Variants in HUWE1 observed in about 807,000 individuals in gnomAD.
HUWE1 encodes HECT, UBA and WWE domain containing E3 ubiquitin protein ligase 1.
A neutral mutation model predicts 299.4 loss-of-function variants in HUWE1; 18 were observed. That is an observed-to-expected ratio of 0.06 (90% CI 0.04 to 0.09). The LOEUF (loss-of-function observed/expected upper bound fraction) is 0.09, where lower values mean the gene tolerates loss of function less well. Ranked by LOEUF, HUWE1 falls within the 10% of genes least tolerant of loss-of-function variation. HUWE1 has a pLI of 1.00. For missense variants in HUWE1, 1,832 were observed against 3,462.3 expected (o/e 0.53, Z 11.82); for synonymous variants, 1,317 against 1,286.1 (o/e 1.02, Z -0.51).
At chrX:53,539,545 T>C in intron 75 of HUWE1, 112 bp downstream of exon 75, 1 of 724,603 alleles carries the variant, frequency 1.4e-6, no homozygotes, top group East Asian at 3.2e-5. Context: ...GAATTCTCAT[T>C]ACAGAGACAC....
intron 47 of HUWE1, among the ~76,000 whole-genome samples, chrX:53,570,482 A>G (rs1750767391): frequency 8.9e-6 from 1 of 112,467 alleles, no homozygotes; most frequent in African/African-American, 3.2e-5. Flanking sequence ...GTTCAATTAA[A>G]TTGAAATTAT....
rs1221375771 is a variant in HUWE1 at position 53,575,513 on chromosome X, G to T, written c.6030+130C>A. ...GGGACACCCCAATTTTGTCTTTACA[G>T]GCAACAGATAATTTACAGATACATC... On this transcript the variant is annotated intron_variant, in intron 45 of 83. Transcript: ENST00000262854. The T allele has an allele frequency of 3.9e-6, 3 of 764,632 alleles. No homozygotes were observed. The Admixed American group carries it at 8.5e-5, about 22-fold the overall frequency. The allele number at this position is 764,632 out of a possible 1,213,427, so 63.0% of individuals were successfully genotyped here.
At chrX:53,552,023 TATC>T (rs1456144549) in intron 63 of HUWE1, among the ~76,000 whole-genome samples, 2 of 111,640 alleles carry the variant, frequency 1.8e-5, no homozygotes, top group African/African-American at 6.5e-5. Flanking sequence ...ACCACGCAGA[TATC>T]ATCACCCCCT....
chrX:53,671,773 G>A (rs375462231), intron 3 of HUWE1, among the ~76,000 whole-genome samples: 15 of 81,768 alleles, frequency 1.8e-4, no homozygotes, highest in Non-Finnish European at 2.9e-4. Flanking sequence ...CGACCTGGGC[G>A]ACAGCGAGAC....
At chrX:53,564,796 A>C (rs1157870650) in intron 50 of HUWE1, 74 bp from the exon 51 acceptor site, 2 of 1,158,161 alleles carry the variant, frequency 1.7e-6, no homozygotes, top group Non-Finnish European at 2.4e-6. Context: ...AAGCGCAAAG[A>C]CAATAAGGTC....
intron 48 of HUWE1, 111 bp downstream of exon 48, chrX:53,569,505 T>C: frequency 1.5e-6 from 1 of 689,392 alleles, no homozygotes; most frequent in East Asian, 3.2e-5. Flanking sequence ...AGAGAGTATA[T>C]GATGCCAGTA....
At chrX:53,555,618 C>A (rs1325113487) in intron 60 of HUWE1, among the ~76,000 whole-genome samples, 1 of 104,394 alleles carries the variant, frequency 9.6e-6, no homozygotes, top group Non-Finnish European at 1.9e-5. Context: ...TGAGCCACTG[C>A]GTCCAGCCCT....
chrX:53,584,081 C>T, intron 41 of HUWE1, 105 bp downstream of exon 41: 1 of 884,120 alleles, frequency 1.1e-6, no homozygotes. Context: ...GCCTACGTAT[C>T]TTTAATCTGT....
intron 3 of HUWE1, 96 bp from the exon 4 acceptor site, chrX:53,654,227 C>A: frequency 1.8e-6 from 1 of 562,422 alleles, no homozygotes; most frequent in South Asian, 2.6e-5. Context: ...AAGAGCAATG[C>A]AAAATGCTTA....
chrX:53,561,656 T>C (rs975704566), intron 55 of HUWE1, 100 bp downstream of exon 55: 16 of 1,139,964 alleles, frequency 1.4e-5, no homozygotes, highest in Non-Finnish European at 1.8e-5. Context: ...GGAAAAGAAG[T>C]GCTGTCTGTA....
rs782741742 is a variant in HUWE1, at chrX:53,535,170, A to G, written c.12649+214T>C. The stretch of plus-strand genomic sequence containing the variant: ...GGCTGGTCTCAAACTCCTCACCTCA[A>G]CTGATCCGCCCACCTTGGCCTCCCA... On this transcript the variant is annotated intron_variant, in intron 81 of 83. Coordinates refer to ENST00000262854, the MANE Select transcript of HUWE1 (RefSeq NM_031407.7). Among the ~76,000 whole-genome samples the G allele has an allele frequency of 6.3e-5, 7 of 111,392 alleles. No individual in the cohort carries two copies. The South Asian group carries it at 1.1e-3, about 18-fold the overall frequency.
intron 33 of HUWE1, among the ~76,000 whole-genome samples, chrX:53,591,841 T>C (rs1273715117): frequency 9.0e-6 from 1 of 111,695 alleles, no homozygotes; most frequent in Non-Finnish European, 1.9e-5. Context: ...CAAGTGTATA[T>C]AGTAGACAGA....
intron 3 of HUWE1, among the ~76,000 whole-genome samples, chrX:53,654,902 A>G (rs1481614134): frequency 1.8e-5 from 2 of 112,235 alleles, no homozygotes; most frequent in Non-Finnish European, 3.8e-5. Context: ...TAGTTGTATC[A>G]TAAGAGCAAA....
chrX:53,569,679 T>C lies in HUWE1; in HGVS notation c.6461A>G (p.Asn2154Ser). ...CCGTCCAAGGGCTGCTTTTACTTCATTCACTAGGGCCACCTGGGCATCTGT... is the reference window on the plus strand; with the variant it reads ...CCGTCCAAGGGCTGCTTTTACTTCACTCACTAGGGCCACCTGGGCATCTGT... ...SGTDAQVALV[N>S]EVKAALGRAL... The change falls in exon 48 of 84, where the codon AAT becomes AGT. Residue 2154 changes from asparagine to serine, a missense_variant. Asn to Ser is a conservative substitution (Grantham distance 46). Around this residue, in one of 15 missense-constraint regions of HUWE1, gnomAD observed 157 missense variants for 252.3 expected, o/e 0.62. Coordinates refer to ENST00000262854, the MANE Select transcript of HUWE1 (RefSeq NM_031407.7). 2 of 1,212,124 alleles carry C rather than the reference T, an allele frequency of 1.7e-6. No homozygotes were observed. Among genetic ancestry groups the C allele is most frequent in the Non-Finnish European group, 2.2e-6 (2 of 895,538 alleles).
chrX:53,547,814 AGGCGGCAGTGGTGGT>A lies in HUWE1; in HGVS notation c.10480_10494del (p.Thr3494_Ala3498del), dbSNP rs1362901813. 2 of 1,196,088 alleles carry A rather than the reference AGGCGGCAGTGGTGGT, an allele frequency of 1.7e-6. No homozygotes were observed. Among genetic ancestry groups the A allele is most frequent in the African/African-American group, 1.8e-5 (1 of 56,624 alleles). ...GCAGTAGGGGGTGTGGGCGTGGTGG[AGGCGGCAGTGGTGGT>A]GGTGGTAGATGTGGTTGAGGTGGCA... On this transcript the variant is annotated inframe_deletion, in exon 68 of 84. Coordinates refer to ENST00000262854, the MANE Select transcript of HUWE1 (RefSeq NM_031407.7).
At chrX:53,596,351 AAGTT>A (rs1195847611) in intron 29 of HUWE1, among the ~76,000 whole-genome samples, 5 of 111,932 alleles carry the variant, frequency 4.5e-5, no homozygotes, top group African/African-American at 9.7e-5. Flanking sequence ...AATTAACAAA[AAGTT>A]AGGTATGTCA....
At chrX:53,586,977 A>G (rs1403932759) in intron 37 of HUWE1, 68 bp from the exon 38 acceptor site, 17 of 1,103,524 alleles carry the variant, frequency 1.5e-5, no homozygotes, top group Non-Finnish European at 2.0e-5. Context: ...AAAGATTAGC[A>G]TGGGATAGGG....
At chrX:53,563,851 G>A in intron 51 of HUWE1, 30 bp from the exon 52 acceptor site, 1 of 1,191,918 alleles carries the variant, frequency 8.4e-7, no homozygotes, top group Non-Finnish European at 1.1e-6. Flanking sequence ...ATATATGGAT[G>A]CACACAAGTC....
chrX:53,577,470 A>C (rs1391269298), intron 43 of HUWE1, among the ~76,000 whole-genome samples: 28 of 98,096 alleles, frequency 2.9e-4, no homozygotes, highest in African/African-American at 5.5e-4. Flanking sequence ...AAAAAAAAAA[A>C]AAAAAACTCC....
Sources: allele counts gnomAD v4.1 joint callset (sites outside exome capture counted in the v4.1 genomes callset), GRCh38; gene constraint gnomAD v4.1.1; regional missense constraint gnomAD v4.1.1; transcripts MANE v1.5; gene names NCBI Gene and HGNC (gene_info 2026-07-23, HGNC 2026-07-21).